GNAL: variants seen among roughly 807,000 people sequenced by gnomAD.
GNAL encodes the protein guanine nucleotide-binding protein G(olf) subunit alpha.
GNAL carries 18 observed loss-of-function variants against 55.1 expected under a neutral mutation model. The observed-to-expected ratio is 0.33, with a 90% CI of 0.23 to 0.48. GNAL has a LOEUF of 0.48. Ranked by LOEUF, GNAL falls within the 20% of genes least tolerant of loss-of-function variation. The pLI, the probability that GNAL is intolerant of heterozygous loss-of-function variation, is 0.99. For synonymous variants in GNAL, 253 were observed against 237.0 expected, an observed-to-expected ratio of 1.07 and a Z score of -0.62; for missense variants, 412 against 614.1, an observed-to-expected ratio of 0.67 and a Z score of 3.48.
chr18:11,801,227 A>G (rs542375112), intron 4 of GNAL, among the ~76,000 whole-genome samples: 3 of 152,212 alleles, frequency 2.0e-5, no homozygotes, highest in Non-Finnish European at 2.9e-5. Context: ...GGGGTGATAC[A>G]GAGAATGAAT....
At chr18:11,871,557 T>G (rs2036399459) in intron 9 of GNAL, among the ~76,000 whole-genome samples, 1 of 152,126 alleles carries the variant, frequency 6.6e-6, no homozygotes, top group African/African-American at 2.4e-5. Flanking sequence ...CCAAATTGTG[T>G]TATTAATTGA....
chr18:11,728,031 A>T (rs554500677), intron 1 of GNAL, among the ~76,000 whole-genome samples: 63 of 152,240 alleles, frequency 4.1e-4, no homozygotes, highest in Admixed American at 2.1e-3. Flanking sequence ...GTTCGAGACC[A>T]GCCTGGGCAA....
chr18:11,780,991 A>G (rs538593019), intron 4 of GNAL, among the ~76,000 whole-genome samples: 1 of 152,354 alleles, frequency 6.6e-6, no homozygotes, highest in Non-Finnish European at 1.5e-5. Context: ...TACTCTATCA[A>G]ATGCCTTTGC....
intron 1 of GNAL, among the ~76,000 whole-genome samples, chr18:11,737,343 G>A (rs1055624493): frequency 7.2e-5 from 11 of 152,168 alleles, no homozygotes; most frequent in Non-Finnish European, 1.5e-4. Context: ...TTTAAATTGT[G>A]TATATTGTTT....
At chr18:11,784,845 C>G (rs575438725) in intron 4 of GNAL, among the ~76,000 whole-genome samples, 104 of 152,126 alleles carry the variant, frequency 6.8e-4, no homozygotes, top group African/African-American at 2.3e-3. Flanking sequence ...GCTGCATGAG[C>G]CTGGCTGTCC....
chr18:11,750,268 G>A (rs1208403199), intron 1 of GNAL, among the ~76,000 whole-genome samples: 3 of 152,180 alleles, frequency 2.0e-5, no homozygotes, highest in African/African-American at 7.2e-5. Context: ...TAGAAGGCGT[G>A]AGGGTGGCAC....
chr18:11,721,969 C>T lies in GNAL; in HGVS notation c.377-30884C>T, dbSNP rs115301082. On this transcript the variant is annotated intron_variant, in intron 1 of 11. Transcript: ENST00000334049. ...TCTCACCATAGCTGATTCACTAAGA[C>T]AGTTCACAGAGGCTAAATTTTCAGT... Among the ~76,000 whole-genome samples the T allele has an allele frequency of 3.8e-3, 585 of 152,040 alleles. 4 individuals carry two copies. Among genetic ancestry groups the T allele is most frequent in the Non-Finnish European group, 6.5e-3 (440 of 67,974 alleles).
chr18:11,866,095 G>T (rs2848455), intron 7 of GNAL, among the ~76,000 whole-genome samples: 36,025 of 149,628 alleles, frequency 0.24, 5,752 homozygotes, highest in African/African-American at 0.34. Context: ...CTCTCTGCTG[G>T]GAGGCGCACA....
chr18:11,732,822 G>A (rs981226801), intron 1 of GNAL, among the ~76,000 whole-genome samples: 3 of 152,200 alleles, frequency 2.0e-5, no homozygotes, highest in Non-Finnish European at 4.4e-5. Flanking sequence ...AGTAACTGAT[G>A]AGAAGCACAG....
At chr18:11,801,952 C>G (rs1182556311) in intron 4 of GNAL, among the ~76,000 whole-genome samples, 1 of 151,972 alleles carries the variant, frequency 6.6e-6, no homozygotes, top group African/African-American at 2.4e-5. Flanking sequence ...CTGGTAATAG[C>G]AATAATCAGT....
Position 11,752,426 on chromosome 18 carries a change from G to A in GNAL, c.377-427G>A, listed in dbSNP as rs771936882. The A allele has an allele frequency of 3.1e-6, 5 of 1,601,996 alleles. No individual in the cohort carries two copies. In the African/African-American group the frequency reaches 4.1e-5, roughly 13 times the overall value. On this transcript the variant is annotated intron_variant, in intron 1 of 11. Coordinates refer to ENST00000334049, the MANE Select transcript of GNAL (RefSeq NM_182978.4). This position sits in a 1 kb window ranked among gnomAD's most constrained non-coding sequence, Gnocchi z 4.5. ...CTAACTTCCTGACGTCCATCCCAGCGGGCAGGCATGGGGTGTTTGGGCGGC... is the reference window on the plus strand; with the variant it reads ...CTAACTTCCTGACGTCCATCCCAGCAGGCAGGCATGGGGTGTTTGGGCGGC...
chr18:11,859,284 A>C (rs1269351258), intron 5 of GNAL, among the ~76,000 whole-genome samples: 3 of 152,102 alleles, frequency 2.0e-5, no homozygotes, highest in Non-Finnish European at 4.4e-5. Context: ...CCAGAAACCC[A>C]TCTGACTGTC....
At position 11,845,701 on chromosome 18, in the gene GNAL, G is replaced by A. The variant is rs1031022975; in HGVS notation, c.723-16694G>A. Among the ~76,000 whole-genome samples, 3 of 151,518 alleles carry A rather than the reference G, an allele frequency of 2.0e-5. No individual in the cohort carries two copies. In the South Asian group the frequency reaches 6.3e-4, roughly 32 times the overall value. On this transcript the variant is annotated intron_variant, in intron 5 of 11. Coordinates refer to ENST00000334049, the MANE Select transcript of GNAL (RefSeq NM_182978.4). ...AGCTTGCGCCACTCCGGGTAACAGA[G>A]TGACACCCTGAAGGAAAGAAATAAA...
intron 4 of GNAL, among the ~76,000 whole-genome samples, chr18:11,812,842 CA>C (rs922898392): frequency 2.1e-4 from 28 of 134,166 alleles, no homozygotes; most frequent in African/African-American, 4.4e-4. Flanking sequence ...GACTCCGTCT[CA>C]AAAAAAAAAA....
intron 5 of GNAL, among the ~76,000 whole-genome samples, chr18:11,840,215 C>G (rs1435060780): frequency 6.6e-6 from 1 of 152,192 alleles, no homozygotes; most frequent in Admixed American, 6.5e-5. Context: ...ATTTCTCATT[C>G]TATTCGATAT....
intron 4 of GNAL, among the ~76,000 whole-genome samples, chr18:11,780,187 A>G (rs901448506): frequency 6.6e-6 from 1 of 152,092 alleles, no homozygotes; most frequent in Non-Finnish European, 1.5e-5. Context: ...TTTTATGTGC[A>G]GTTACCTAAA....
At chr18:11,823,772 A>C (rs2035166514) in intron 4 of GNAL, among the ~76,000 whole-genome samples, 1 of 150,472 alleles carries the variant, frequency 6.6e-6, no homozygotes, top group African/African-American at 2.4e-5. Flanking sequence ...GATCAAAGGC[A>C]GGCAAATAAC....
intron 1 of GNAL, among the ~76,000 whole-genome samples, chr18:11,709,045 A>T (rs1171945055): frequency 6.6e-6 from 1 of 152,188 alleles, no homozygotes; most frequent in Non-Finnish European, 1.5e-5. Flanking sequence ...TCCCAACACC[A>T]TTTGTTGCAG....
At chr18:11,755,970 C>T (rs149777228) in intron 4 of GNAL, among the ~76,000 whole-genome samples, 2 of 152,320 alleles carry the variant, frequency 1.3e-5, no homozygotes, top group Admixed American at 6.5e-5. Context: ...AGAAAAGCAT[C>T]TGAGTTCTTG....
Sources: gnomAD v4.1 joint callset for allele counts (sites outside exome capture counted in the v4.1 genomes callset) on GRCh38, gnomAD v4.1.1 for gene constraint, Gnocchi (gnomAD v3.1) non-coding constraint, MANE v1.5 for transcripts, NCBI Gene and HGNC (gene_info 2026-07-23, HGNC 2026-07-21) for gene names.